The following PREP variants were observed in gnomAD, a reference collection of about 807,000 sequenced individuals.
PREP encodes prolyl endopeptidase.
In PREP, 29 loss-of-function variants were observed where a neutral mutation model predicts 87.6. The observed-to-expected ratio is 0.33, with a 90% CI of 0.25 to 0.45. The LOEUF (loss-of-function observed/expected upper bound fraction) is 0.45. Ranked by LOEUF, PREP falls within the 20% of genes least tolerant of loss-of-function variation. The probability of loss-of-function intolerance (pLI) is 1.00; values close to 1 mark genes in which losing one functional copy is unlikely to be tolerated. For missense variants in PREP, 695 were observed against 886.5 expected (o/e 0.78, Z 2.74); for synonymous variants, 337 against 328.6 (o/e 1.03, Z -0.28).
intron 2 of PREP, among the ~76,000 whole-genome samples, chr6:105,378,918 A>G (rs1772764684): frequency 6.6e-6 from 1 of 152,208 alleles, no homozygotes; most frequent in African/African-American, 2.4e-5. Flanking sequence ...ATGTGCAACA[A>G]TGCTTTGGGT....
At chr6:105,361,213 C>T (rs184997093) in intron 6 of PREP, among the ~76,000 whole-genome samples, 1 of 152,226 alleles carries the variant, frequency 6.6e-6, no homozygotes, top group Admixed American at 6.5e-5. Flanking sequence ...AAAAGCATTT[C>T]ATGTTTTAAA....
chr6:105,352,087 T>C (rs1475660358), intron 7 of PREP, among the ~76,000 whole-genome samples: 1 of 152,190 alleles, frequency 6.6e-6, no homozygotes, highest in Non-Finnish European at 1.5e-5. Flanking sequence ...ATGAGGTAAA[T>C]ACATTATTAC....
At chr6:105,334,513 G>T (rs1771428307) in intron 7 of PREP, among the ~76,000 whole-genome samples, 1 of 152,136 alleles carries the variant, frequency 6.6e-6, no homozygotes, top group African/African-American at 2.4e-5. Context: ...GAGGTCAGGA[G>T]TTTGAGACCA....
intron 4 of PREP, among the ~76,000 whole-genome samples, chr6:105,374,933 C>T (rs1021781080): frequency 4.0e-5 from 6 of 151,862 alleles, no homozygotes; most frequent in Admixed American, 2.0e-4. Flanking sequence ...AATGCATTAT[C>T]GGGGTGGGAG....
At chr6:105,319,333 C>T (rs552184678) in intron 10 of PREP, among the ~76,000 whole-genome samples, 5 of 152,298 alleles carry the variant, frequency 3.3e-5, no homozygotes, top group Admixed American at 1.3e-4. Flanking sequence ...TTAATTTATA[C>T]TGACTTTTAT....
At chr6:105,309,778 C>T (rs1163108506) in intron 10 of PREP, among the ~76,000 whole-genome samples, 1 of 152,172 alleles carries the variant, frequency 6.6e-6, no homozygotes, top group Non-Finnish European at 1.5e-5. Context: ...CCTTTGAAGG[C>T]CAATCCTTCT....
intron 6 of PREP, among the ~76,000 whole-genome samples, chr6:105,366,987 C>T (rs1222905375): frequency 6.6e-6 from 1 of 152,076 alleles, no homozygotes; most frequent in East Asian, 1.9e-4. Context: ...GGAGTTTCCA[C>T]TTTGCAAAAT....
At chr6:105,367,281 A>G (rs1207291186) in intron 6 of PREP, among the ~76,000 whole-genome samples, 1 of 152,206 alleles carries the variant, frequency 6.6e-6, no homozygotes, top group Admixed American at 6.5e-5. Context: ...GATGTAGTAG[A>G]TAGAAAACTT....
chr6:105,397,667 T>G (rs1161348216), intron 2 of PREP, among the ~76,000 whole-genome samples, 186 bp downstream of exon 2: 4 of 152,236 alleles, frequency 2.6e-5, no homozygotes, highest in African/African-American at 9.6e-5. Flanking sequence ...TCTCTGGGAC[T>G]AAGCCATGCT....
At chr6:105,284,329 C>T (rs1467300143) in intron 12 of PREP, among the ~76,000 whole-genome samples, 1 of 152,056 alleles carries the variant, frequency 6.6e-6, no homozygotes, top group East Asian at 1.9e-4. Flanking sequence ...ATGCTGGATG[C>T]CCGGGGGTCA....
intron 10 of PREP, chr6:105,298,772 A>G (rs1285429287): frequency 6.5e-6 from 1 of 153,748 alleles, no homozygotes; most frequent in African/African-American, 2.4e-5. Context: ...AGGACCAGTT[A>G]CAATAATGGG....
At chr6:105,281,691 G>A in intron 14 of PREP, 55 bp downstream of exon 14, 1 of 1,571,424 alleles carries the variant, frequency 6.4e-7, no homozygotes, top group Non-Finnish European at 8.7e-7. Context: ...TGCTGTGACT[G>A]TGTTCAACTT....
At chr6:105,292,560 T>C (rs963349763) in intron 10 of PREP, among the ~76,000 whole-genome samples, 2 of 152,188 alleles carry the variant, frequency 1.3e-5, no homozygotes, top group African/African-American at 2.4e-5. Flanking sequence ...ACAAAGTAGA[T>C]TTACCACAAT....
intron 4 of PREP, among the ~76,000 whole-genome samples, chr6:105,374,325 T>C (rs986599473): frequency 2.2e-4 from 34 of 152,196 alleles, no homozygotes; most frequent in African/African-American, 7.7e-4. Flanking sequence ...TTATGAAGTA[T>C]GTAAAGCATT....
intron 7 of PREP, among the ~76,000 whole-genome samples, chr6:105,343,759 C>T (rs144501190): frequency 9.1e-4 from 139 of 152,222 alleles, no homozygotes; most frequent in African/African-American, 3.0e-3. Context: ...AGCCAAAAGA[C>T]GCATGAAAAA....
At chr6:105,320,210 G>C (rs1770969111) in intron 10 of PREP, among the ~76,000 whole-genome samples, 1 of 152,192 alleles carries the variant, frequency 6.6e-6, no homozygotes, top group Non-Finnish European at 1.5e-5. Context: ...GGAAAAAGAT[G>C]AATCAATTGC....
Position 105,315,993 on chromosome 6 carries a change from A to G in PREP, c.1317+7672T>C, listed in dbSNP as rs565827571. Among the ~76,000 whole-genome samples the G allele has an allele frequency of 5.3e-5, 8 of 152,326 alleles. No individual in the cohort carries two copies. The South Asian group carries it at 1.2e-3, about 24-fold the overall frequency. ...TATCCAGACCACTCAAACTTTCTCC[A>G]TATCAGCAATAAGGCTGTTTTGCTT... On this transcript the variant is annotated intron_variant, in intron 10 of 14. Transcript: ENST00000652536.
intron 6 of PREP, among the ~76,000 whole-genome samples, chr6:105,358,608 CA>C (rs1407077326): frequency 6.6e-6 from 1 of 152,148 alleles, no homozygotes; most frequent in Non-Finnish European, 1.5e-5. Flanking sequence ...CCAAAAGCCA[CA>C]CCCCCATGCT....
At chr6:105,334,685 T>C (rs1346302379) in intron 7 of PREP, among the ~76,000 whole-genome samples, 3 of 142,600 alleles carry the variant, frequency 2.1e-5, no homozygotes, top group Non-Finnish European at 3.0e-5. Flanking sequence ...GCCACTTCAC[T>C]CCAGCCTGAG....
Sources: allele counts gnomAD v4.1 joint callset (sites outside exome capture counted in the v4.1 genomes callset), GRCh38; gene constraint gnomAD v4.1.1; transcripts MANE v1.5; gene names NCBI Gene and HGNC (gene_info 2026-07-23, HGNC 2026-07-21).